The following WASF2 variants were observed in gnomAD, a reference collection of about 807,000 sequenced individuals.
WASF2 encodes the protein actin-binding protein WASF2.
WASF2 carries 14 observed loss-of-function variants against 45.0 expected under a neutral mutation model. That is an observed-to-expected ratio of 0.31 (90% CI 0.21 to 0.49). The LOEUF is 0.49. WASF2 is among the 20% of genes least tolerant of loss of function. The pLI, the probability that WASF2 is intolerant of heterozygous loss-of-function variation, is 0.99. For missense variants in WASF2, 439 were observed against 636.1 expected, an observed-to-expected ratio of 0.69 and a Z score of 3.33; for synonymous variants, 200 against 236.3, an observed-to-expected ratio of 0.85 and a Z score of 1.41.
intron 1 of WASF2, among the ~76,000 whole-genome samples, chr1:27,476,371 C>T (rs146501391): frequency 6.2e-4 from 95 of 152,274 alleles, no homozygotes; most frequent in African/African-American, 2.2e-3. Flanking sequence ...GAAGGAAAAG[C>T]GCAAGCAGGC....
intron 1 of WASF2, among the ~76,000 whole-genome samples, chr1:27,456,531 GACA>G: frequency 6.6e-6 from 1 of 151,942 alleles, no homozygotes; most frequent in Non-Finnish European, 1.5e-5. Context: ...TAATGTAGGG[GACA>G]ACAACATGGA....
At chr1:27,489,742 A>T (rs1316388299) in intron 1 of WASF2, among the ~76,000 whole-genome samples, 1 of 152,136 alleles carries the variant, frequency 6.6e-6, no homozygotes, top group Non-Finnish European at 1.5e-5. Flanking sequence ...CGGGACACTC[A>T]TAGTCCCTCA....
chr1:27,476,397 T>A (rs2017766917), intron 1 of WASF2, among the ~76,000 whole-genome samples: 1 of 152,176 alleles, frequency 6.6e-6, no homozygotes, highest in African/African-American at 2.4e-5. Flanking sequence ...ACATGTGAAC[T>A]CAGAGCGAGA....
intron 1 of WASF2, among the ~76,000 whole-genome samples, chr1:27,469,581 TTC>T (rs2017662529): frequency 6.6e-6 from 1 of 151,342 alleles, no homozygotes; most frequent in African/African-American, 2.5e-5. Context: ...AAGAACCAGT[TTC>T]TGTTTCAGGA....
At chr1:27,454,175 A>T (rs1571148265) in intron 1 of WASF2, among the ~76,000 whole-genome samples, 3 of 33,966 alleles carry the variant, frequency 8.8e-5, no homozygotes, top group African/African-American at 3.8e-4. Flanking sequence ...ATATATATAT[A>T]TATATATATA....
intron 1 of WASF2, among the ~76,000 whole-genome samples, chr1:27,485,111 T>C (rs1363163461): frequency 2.6e-5 from 4 of 151,984 alleles, no homozygotes; most frequent in East Asian, 3.8e-4. Context: ...GATTGCGCCA[T>C]TGTACTCCAG....
intron 1 of WASF2, among the ~76,000 whole-genome samples, chr1:27,477,544 A>C (rs2017782621): frequency 6.6e-6 from 1 of 151,836 alleles, no homozygotes; most frequent in Non-Finnish European, 1.5e-5. Flanking sequence ...CGTCTCAAAA[A>C]ATAAAAAATA....
Position 27,418,299 on chromosome 1 carries a change from G to A in WASF2, c.389C>T (p.Pro130Leu). 6.2e-7 allele frequency: 1 copy of A among 1,614,188 alleles called. No individual in the cohort carries two copies. The highest frequency in any genetic ancestry group is 1.3e-5 in the African/African-American group (1 of 75,050). ...VLETYNTCDTPPPLNNLTPYR... is the reference protein window; with the variant it reads ...VLETYNTCDTLPPLNNLTPYR... ...AGGGGTAAGATTGTTGAGAGGGGGA[G>A]GAGTATCACAGGTATTGTATGTTTC... Residue 130 changes from proline to leucine, a missense_variant, in exon 4 of 9, where the codon CCT becomes CTT. Coordinates refer to ENST00000618852, the MANE Select transcript of WASF2 (RefSeq NM_006990.5).
rs575802412 is a variant in WASF2, at chr1:27,418,724, G to A, written c.265+230C>T. 1.2e-4 allele frequency among the ~76,000 whole-genome samples: 19 copies of A among 152,258 alleles called. 1 individual carries two copies. The highest frequency in any genetic ancestry group is 4.1e-4 in the South Asian group (2 of 4,828). On this transcript the variant is annotated intron_variant, in intron 3 of 8. Transcript: ENST00000618852. ...GGTAGCAAAATACGATTGAGGGAGGGGAAATTTGAGAAAGAAGGAATTGGG... is the reference window on the plus strand; with the variant it reads ...GGTAGCAAAATACGATTGAGGGAGGAGAAATTTGAGAAAGAAGGAATTGGG...
Position 27,418,965 on chromosome 1 carries a change from T to C in WASF2, c.254A>G (p.Lys85Arg), listed in dbSNP as rs758947353. The change falls in exon 3 of 9, where the codon AAG becomes AGG. Residue 85 changes from lysine (K) to arginine (R), a missense_variant. This residue lies in a region of WASF2 where 98 missense variants were observed against 120.7 expected (regional missense o/e 0.81). Coordinates refer to ENST00000618852, the MANE Select transcript of WASF2 (RefSeq NM_006990.5). ...LQVKVTQLDP[K>R]EEEVSLQGIN... ...CTCAGCTTTCTTACCTTCTTCTTCC[T>C]TGGGATCCAGCTGAGTGACTTTAAC... is the stretch of plus-strand genomic sequence containing the variant. 4 of 1,613,844 alleles carry C rather than the reference T, an allele frequency of 2.5e-6. No individual in the cohort carries two copies. The highest frequency in any genetic ancestry group is 2.7e-5 in the African/African-American group (2 of 74,994).
In WASF2 at chr1:27,423,333, A is replaced by ACAGG. The variant is rs530105309; in HGVS notation, c.131-4249_131-4246dup. Among the ~76,000 whole-genome samples the ACAGG allele has an allele frequency of 3.5e-3, 533 of 152,004 alleles. 3 individuals are homozygous for ACAGG. Among genetic ancestry groups the ACAGG allele is most frequent in the Non-Finnish European group, 5.1e-3 (348 of 67,964 alleles). On this transcript the variant is annotated intron_variant, in intron 2 of 8. Coordinates refer to ENST00000618852, the MANE Select transcript of WASF2 (RefSeq NM_006990.5). ...CTGCCTCAGCCTCCCAAGTAGAAATACAGGCGCAGGCCCAGCTAATTTTTG... is the reference window on the plus strand; with the variant it reads ...CTGCCTCAGCCTCCCAAGTAGAAATACAGGCAGGCGCAGGCCCAGCTAATTTTTG...
intron 1 of WASF2, among the ~76,000 whole-genome samples, chr1:27,464,047 T>C (rs919148967): frequency 6.6e-6 from 1 of 151,778 alleles, no homozygotes; most frequent in Admixed American, 6.6e-5. Flanking sequence ...ATCTATATTA[T>C]TCTAATAATA....
intron 1 of WASF2, among the ~76,000 whole-genome samples, chr1:27,442,728 C>G (rs945580000): frequency 9.2e-5 from 14 of 151,714 alleles, no homozygotes; most frequent in Admixed American, 7.2e-4. Flanking sequence ...AAGGGCCGGG[C>G]GTGGTGGCTC....
At chr1:27,452,253 G>A (rs947324710) in intron 1 of WASF2, among the ~76,000 whole-genome samples, 3 of 152,186 alleles carry the variant, frequency 2.0e-5, no homozygotes, top group Non-Finnish European at 2.9e-5. Context: ...CGTGGCTCAC[G>A]CCTGTAATCC....
At chr1:27,433,038 C>G (rs559885615) in intron 1 of WASF2, among the ~76,000 whole-genome samples, 1 of 152,302 alleles carries the variant, frequency 6.6e-6, no homozygotes, top group African/African-American at 2.4e-5. Context: ...GCTGGGATTA[C>G]AGGTGTAAGC....
At chr1:27,463,635 A>C (rs982976120) in intron 1 of WASF2, among the ~76,000 whole-genome samples, 3 of 150,486 alleles carry the variant, frequency 2.0e-5, no homozygotes, top group African/African-American at 7.3e-5. Flanking sequence ...AAAAAAAAAA[A>C]AAAAAAAAAA....
intron 1 of WASF2, among the ~76,000 whole-genome samples, chr1:27,463,915 G>T (rs1484861589): frequency 1.3e-5 from 2 of 151,220 alleles, no homozygotes; most frequent in Non-Finnish European, 2.9e-5. Flanking sequence ...GGGATTAAAG[G>T]CATGTGCCAC....
At chr1:27,425,412 T>C (rs995450804) in intron 2 of WASF2, among the ~76,000 whole-genome samples, 1 of 152,000 alleles carries the variant, frequency 6.6e-6, no homozygotes, top group Non-Finnish European at 1.5e-5. Context: ...TAAAAGACTG[T>C]AAAATGAAGG....
At chr1:27,419,769 G>A (rs1188038343) in intron 2 of WASF2, among the ~76,000 whole-genome samples, 1 of 152,146 alleles carries the variant, frequency 6.6e-6, no homozygotes, top group Non-Finnish European at 1.5e-5. Context: ...CCTCAATGGA[G>A]CCTTGAAAAT....
Sources: gnomAD v4.1 joint callset for allele counts (sites outside exome capture counted in the v4.1 genomes callset) on GRCh38, gnomAD v4.1.1 for gene constraint, gnomAD v4.1.1 regional missense constraint, MANE v1.5 for transcripts, NCBI Gene and HGNC (gene_info 2026-07-23, HGNC 2026-07-21) for gene names.